DNAJC15: variants seen among roughly 807,000 people sequenced by gnomAD.
The protein encoded by DNAJC15 is DnaJ heat shock protein family (Hsp40) member C15, also known as dnaJ homolog subfamily C member 15.
A neutral mutation model predicts 22.4 loss-of-function variants in DNAJC15; 27 were observed. The observed-to-expected ratio is 1.20, with a 90% CI of 0.89 to 1.66. DNAJC15 has a LOEUF of 1.66. DNAJC15 is among the 40% of genes most tolerant of loss of function. DNAJC15 has a pLI of 0.00. For synonymous variants in DNAJC15, 79 were observed against 63.2 expected, an observed-to-expected ratio of 1.25 and a Z score of -1.19; for missense variants, 208 against 187.1, an observed-to-expected ratio of 1.11 and a Z score of -0.65.
At chr13:43,076,513 GA>G (rs888099983) in intron 3 of DNAJC15, among the ~76,000 whole-genome samples, 2 of 151,962 alleles carry the variant, frequency 1.3e-5, no homozygotes, top group African/African-American at 4.8e-5. Flanking sequence ...TAAAAACAAA[GA>G]AAAAATTATA....
Position 43,061,778 on chromosome 13 carries a change from C to T in DNAJC15, c.109-3908C>T, listed in dbSNP as rs777504557. ...ATTAGGGATTTGCCCCCATGATCTA[C>T]GCAGCTCCTGCCAAGCCCCACCTCA... On this transcript the variant is annotated intron_variant, in intron 1 of 5. Transcript: ENST00000379221. Among the ~76,000 whole-genome samples, 7 of 152,228 alleles carry T rather than the reference C, an allele frequency of 4.6e-5. No homozygotes were observed. In the East Asian group the frequency reaches 5.8e-4, roughly 13 times the overall value.
rs749194855 is a variant in DNAJC15 at position 43,023,709 on chromosome 13, A to G, written c.83A>G (p.Asp28Gly). The G allele has an allele frequency of 7.1e-5, 115 of 1,611,584 alleles. No individual in the cohort carries two copies. Among genetic ancestry groups the G allele is most frequent in the Non-Finnish European group, 9.4e-5 (111 of 1,179,174 alleles). ...TTGCAGCCCTCGGCCAAACGGCCAG[A>G]CGCCGACGTCGACCAGCAGAGACTG... ...EYLQPSAKRP[D>G]ADVDQQRLVR... The change falls in exon 1 of 6, where the codon GAC (aspartate) becomes GGC (glycine). Residue 28 changes from aspartate (D) to glycine (G), a missense_variant. Asp to Gly is a moderately conservative substitution (Grantham distance 94, BLOSUM62 -1). Coordinates refer to ENST00000379221, the MANE Select transcript of DNAJC15 (RefSeq NM_013238.3).
At chr13:43,065,437 T>C (rs1247071802) in intron 1 of DNAJC15, among the ~76,000 whole-genome samples, 1 of 152,164 alleles carries the variant, frequency 6.6e-6, no homozygotes, top group Non-Finnish European at 1.5e-5. Flanking sequence ...ATAAAAGCTC[T>C]GGGTTAGAGT....
Position 43,110,064 on chromosome 13 carries a change from C to G in DNAJC15, c.*2816C>G, listed in dbSNP as rs1287925971. ...GTAATCATTTATTTTACCCTCGAAT[C>G]TGCAATTTGGATAGAACATGGTGGG... On this transcript the variant is annotated 3_prime_UTR_variant, in exon 6 of 6. Coordinates refer to ENST00000379221, the MANE Select transcript of DNAJC15 (RefSeq NM_013238.3). The G allele has an allele frequency of 6.6e-6, 1 of 152,150 alleles. No homozygotes were observed. The highest frequency in any genetic ancestry group is 2.4e-5 in the African/African-American group (1 of 41,432). 9.4% of individuals were successfully genotyped at this position (152,150 alleles called of 1,614,324 possible).
At position 43,037,306 on chromosome 13, in the gene DNAJC15, G is replaced by C. The variant is rs2040433632; in HGVS notation, c.108+13572G>C. Among the ~76,000 whole-genome samples the C allele has an allele frequency of 2.0e-5, 3 of 152,122 alleles. No homozygotes were observed. In the South Asian group the frequency reaches 6.2e-4, roughly 32 times the overall value. ...TGTACATCAGATATAAGCCGAAAAA[G>C]AGAGTTTGAGGGGTTCTTGCTGGAG... On this transcript the variant is annotated intron_variant, in intron 1 of 5. Transcript: ENST00000379221.
At chr13:43,036,734 A>T (rs1176649228) in intron 1 of DNAJC15, among the ~76,000 whole-genome samples, 1 of 152,180 alleles carries the variant, frequency 6.6e-6, no homozygotes. Context: ...CCAAGCTACT[A>T]CCCTCAGCCC....
intron 2 of DNAJC15, among the ~76,000 whole-genome samples, chr13:43,066,135 A>G (rs1345908256): frequency 6.6e-6 from 1 of 152,156 alleles, no homozygotes; most frequent in Non-Finnish European, 1.5e-5. Context: ...TCTCATGAGC[A>G]TAGTTGTTCC....
intron 5 of DNAJC15, among the ~76,000 whole-genome samples, chr13:43,100,005 C>G (rs1162745118): frequency 6.6e-6 from 1 of 151,894 alleles, no homozygotes; most frequent in African/African-American, 2.4e-5. Flanking sequence ...AGGGGCTGGG[C>G]TTTTCTTTGT....
At chr13:43,033,294 G>A (rs914300998) in intron 1 of DNAJC15, among the ~76,000 whole-genome samples, 5 of 152,200 alleles carry the variant, frequency 3.3e-5, no homozygotes, top group Non-Finnish European at 7.3e-5. Flanking sequence ...GCACATGCCA[G>A]TAGTCTTTGT....
chr13:43,092,203 G>A (rs1248085945), intron 5 of DNAJC15, among the ~76,000 whole-genome samples: 1 of 152,036 alleles, frequency 6.6e-6, no homozygotes, highest in African/African-American at 2.4e-5. Context: ...CTTACATATG[G>A]ATTTCTCCCT....
chr13:43,023,844 G>A (rs2281779), intron 1 of DNAJC15, 110 bp downstream of exon 1: 241,061 of 1,033,530 alleles, frequency 0.23, 28,960 homozygotes, highest in African/African-American at 0.35. Context: ...ATTCGCTCAC[G>A]GTCTGTGCCC....
At chr13:43,037,533 AG>A (rs1222675008) in intron 1 of DNAJC15, among the ~76,000 whole-genome samples, 1 of 152,206 alleles carries the variant, frequency 6.6e-6, no homozygotes, top group Non-Finnish European at 1.5e-5. Context: ...GACAGGTCAG[AG>A]GGTTTTCTGC....
intron 5 of DNAJC15, among the ~76,000 whole-genome samples, chr13:43,091,972 G>C: frequency 6.6e-6 from 1 of 152,112 alleles, no homozygotes; most frequent in South Asian, 2.1e-4. Context: ...TGTATATTCT[G>C]CAGTTACTCT....
chr13:43,088,874 T>C (rs915957125), intron 5 of DNAJC15, among the ~76,000 whole-genome samples: 10 of 146,632 alleles, frequency 6.8e-5, no homozygotes, highest in Non-Finnish European at 1.6e-4. Context: ...ACTGGACTGT[T>C]TGTTTTGGAG....
intron 4 of DNAJC15, among the ~76,000 whole-genome samples, chr13:43,085,506 C>T (rs1255101931): frequency 6.6e-6 from 1 of 152,108 alleles, no homozygotes; most frequent in East Asian, 1.9e-4. Context: ...GCTGACTCCC[C>T]TAACCTATAT....
chr13:43,082,183 GAAAA>G (rs68161393), intron 4 of DNAJC15, among the ~76,000 whole-genome samples: 1 of 146,356 alleles, frequency 6.8e-6, no homozygotes, highest in African/African-American at 2.5e-5. Context: ...CTCAGTAGTA[GAAAA>G]AAAAAAAGAT....
chr13:43,056,192 C>CTA (rs1386928114), intron 1 of DNAJC15, among the ~76,000 whole-genome samples: 1 of 150,232 alleles, frequency 6.7e-6, no homozygotes, highest in African/African-American at 2.5e-5. Flanking sequence ...GCTCTTGTTG[C>CTA]CTAGGCTGAA....
intron 3 of DNAJC15, among the ~76,000 whole-genome samples, chr13:43,070,843 T>G (rs1266917564): frequency 6.9e-6 from 1 of 145,774 alleles, no homozygotes; most frequent in African/African-American, 2.6e-5. Flanking sequence ...CAATGTGATT[T>G]GTATTTTAAG....
Position 43,078,667 on chromosome 13 carries a change from C to T in DNAJC15, c.290C>T (p.Ala97Val). 3.1e-6 allele frequency: 5 copies of T among 1,613,474 alleles called. No homozygotes were observed. Among genetic ancestry groups the T allele is most frequent in the Non-Finnish European group, 3.4e-6 (4 of 1,179,634 alleles). ...GAACAGAAAATGAGTAGGCGAGAAG[C>T]TGGTCTTATTTTAGGTGTAAGGTAG... is the stretch of plus-strand genomic sequence containing the variant. Reference protein sequence around the residue: ...GFEQKMSRREAGLILGVSPSA... With the variant: ...GFEQKMSRREVGLILGVSPSA... Residue 97 changes from alanine (A) to valine (V), a missense_variant, in exon 4 of 6, where the codon GCT becomes GTT. Transcript: ENST00000379221.
Sources: gnomAD v4.1 joint callset for allele counts (sites outside exome capture counted in the v4.1 genomes callset) on GRCh38, gnomAD v4.1.1 for gene constraint, MANE v1.5 for transcripts, NCBI Gene and HGNC (gene_info 2026-07-23, HGNC 2026-07-21) for gene names.